Variants in IGSF9 observed in about 807,000 individuals in gnomAD.
IGSF9 encodes the protein immunoglobulin superfamily member 9, also known as protein turtle homolog A.
In IGSF9, 87 loss-of-function variants were observed where a neutral mutation model predicts 121.7. The ratio of observed to expected loss-of-function variants is 0.71; its 90% CI spans 0.60 to 0.85. The LOEUF (loss-of-function observed/expected upper bound fraction) is 0.85. Among genes scored for constraint, IGSF9 ranks in the 40% least tolerant of loss-of-function variants. IGSF9 has a pLI of 0.00. For missense variants in IGSF9, 1,462 were observed against 1,565.3 expected (o/e 0.93, Z 1.11); for synonymous variants, 640 against 648.4 (o/e 0.99, Z 0.20).
In IGSF9 at chr1:159,932,537, G is replaced by A. The variant is rs1360641480; in HGVS notation, c.1220C>T (p.Ser407Phe). The A allele has an allele frequency of 6.2e-7, 1 of 1,614,048 alleles. No individual in the cohort carries two copies. The highest frequency in any genetic ancestry group is 8.5e-7 in the Non-Finnish European group (1 of 1,179,982). ...CTTGAGCAGCACGCGGGTCACAGGA[G>A]AGGGCCCGGCGGTACCAAGACTGTT... Reference protein sequence around the residue: ...PYNSLGTAGPSPVTRVLLKAP... With the variant: ...PYNSLGTAGPFPVTRVLLKAP... The change falls in exon 10 of 21, where the codon TCT becomes TTT. Residue 407 changes from serine (S) to phenylalanine (F), a missense_variant. This residue lies in a region of IGSF9 where 558 missense variants were observed against 599.4 expected (regional missense o/e 0.93). Coordinates refer to ENST00000368094, the MANE Select transcript of IGSF9 (RefSeq NM_001135050.2). The surrounding 1 kb of genome is among the most constrained non-coding windows in gnomAD (Gnocchi z 4.1).
In IGSF9 at chr1:159,931,552, T is replaced by A; in HGVS notation, c.1414A>T (p.Ile472Phe). The A allele has an allele frequency of 6.2e-7, 1 of 1,614,158 alleles. No individual in the cohort carries two copies. Among genetic ancestry groups the A allele is most frequent in the Non-Finnish European group, 8.5e-7 (1 of 1,180,010 alleles). Residue 472 changes from isoleucine to phenylalanine, a missense_variant, in exon 12 of 21, where the codon ATC becomes TTC. By Grantham distance (21) the Ile-to-Phe change is conservative. Transcript: ENST00000368094. This position sits in a 1 kb window ranked among gnomAD's most constrained non-coding sequence, Gnocchi z 4.8. ...GCCTCCTTGGTCAATGGTCGCAGGA[T>A]GAGGCTGCTGTTGCTGTCCACCTGG... ...QAQVDSNSSL[I>F]LRPLTKEAHG...
In IGSF9 at chr1:159,927,426, G is replaced by T; in HGVS notation, c.3459C>A (p.Arg1153=). The change falls in exon 21 of 21, where the codon CGC becomes CGA. Residue 1153 remains arginine, a synonymous_variant. Coordinates refer to ENST00000368094, the MANE Select transcript of IGSF9 (RefSeq NM_001135050.2). The part of the protein sequence containing the change: ...AALREEFLAF[R]RRRDATRARL... The stretch of plus-strand genomic sequence containing the variant: ...GAGCCCTAGTAGCATCTCGGCGGCG[G>T]CGGAAGGCCAGGAATTCCTCCCGAA... 6.2e-7 allele frequency: 1 copy of T among 1,614,146 alleles called. No homozygotes were observed.
chr1:159,937,585 G>C (rs1473761885), intron 4 of IGSF9, 101 bp downstream of exon 4: 6 of 1,358,614 alleles, frequency 4.4e-6, no homozygotes, highest in Non-Finnish European at 6.2e-6. Flanking sequence ...GCTGTTTGTG[G>C]GATGGAAATA....
At position 159,927,524 on chromosome 1, in the gene IGSF9, C is replaced by T. The variant is rs771394115; in HGVS notation, c.3361G>A (p.Val1121Met). 6.2e-7 allele frequency: 1 copy of T among 1,611,116 alleles called. No homozygotes were observed. The highest frequency in any genetic ancestry group is 1.1e-5 in the South Asian group (1 of 90,986). Reference protein sequence around the residue: ...LRPEAEPELGVKTPEEGCLLN... With the variant: ...LRPEAEPELGMKTPEEGCLLN... ...AGGCAGCCCTCCTCTGGAGTCTTCA[C>T]ACCTGCAAGAGGCGGGCAGGACAAT... Residue 1121 changes from valine (V) to methionine (M), a missense_variant and splice_region_variant, in exon 21 of 21, where the codon GTG becomes ATG. Val to Met is a conservative substitution (Grantham distance 21). Coordinates refer to ENST00000368094, the MANE Select transcript of IGSF9 (RefSeq NM_001135050.2).
Position 159,937,819 on chromosome 1 carries a change from C to T in IGSF9, c.267G>A (p.Lys89=). 1 of 1,613,992 alleles carries T rather than the reference C, an allele frequency of 6.2e-7. No individual in the cohort carries two copies. The highest frequency in any genetic ancestry group is 8.5e-7 in the Non-Finnish European group (1 of 1,179,906). ...PDYVGRVRLQ[K]GASLQIEGLR... is the part of the protein sequence containing the mutation. ...GACCCTCAATCTGGAGAGAGGCCCCCTTCTGCAGCCGGACTCGTCCTGGGG... is the reference window on the plus strand; with the variant it reads ...GACCCTCAATCTGGAGAGAGGCCCCTTTCTGCAGCCGGACTCGTCCTGGGG... Residue 89 remains lysine, a synonymous_variant, in exon 4 of 21, where the codon AAG becomes AAA. Transcript: ENST00000368094.
intron 6 of IGSF9, 123 bp downstream of exon 6, chr1:159,936,276 C>A: frequency 1.2e-6 from 1 of 840,320 alleles, no homozygotes. Flanking sequence ...ACCCCCTTAG[C>A]TTCCACGGGC....
intron 18 of IGSF9, 166 bp downstream of exon 18, chr1:159,929,185 G>T: frequency 7.7e-7 from 1 of 1,294,012 alleles, no homozygotes; most frequent in Non-Finnish European, 1.1e-6. Context: ...GGCCATACTG[G>T]AACGGCCTCA....
Position 159,937,670 on chromosome 1 carries a change from C to T in IGSF9, c.400+16G>A. On this transcript the variant is annotated intron_variant, in intron 4 of 20. Transcript: ENST00000368094. ...CCTCCCCGTCCTTCTCCACCACCTG[C>T]CCCCCAGCTTCATACAATTGACTGT... 1 of 1,605,210 alleles carries T rather than the reference C, an allele frequency of 6.2e-7. No homozygotes were observed. The highest frequency in any genetic ancestry group is 1.1e-5 in the South Asian group (1 of 90,932).
In IGSF9 at chr1:159,945,084, C is replaced by T. The variant is rs151110366; in HGVS notation, c.-175+489G>A. Among the ~76,000 whole-genome samples the T allele has an allele frequency of 1.8e-4, 27 of 152,108 alleles. No homozygotes were observed. In the East Asian group the frequency reaches 5.0e-3, roughly 28 times the overall value. ...CACTCCCTCGTCCTCCCATTACTCC[C>T]TTCCCAGTTATCGCTACTACGCACA... On this transcript the variant is annotated intron_variant, in intron 1 of 20. Coordinates refer to ENST00000368094, the MANE Select transcript of IGSF9 (RefSeq NM_001135050.2).
chr1:159,934,470 C>G lies in IGSF9; in HGVS notation c.916G>C (p.Gly306Arg). ...AGCYTCVPSN[G>R]LLHPPSASAY... ...GAGGCTGAGGGTGGATGCAGGAGGC[C>G]ATTGCTGGGCACACAGGTGTAGCAG... The change falls in exon 8 of 21, where the codon GGC (glycine) becomes CGC (arginine). Residue 306 changes from glycine to arginine, a missense_variant. Coordinates refer to ENST00000368094, the MANE Select transcript of IGSF9 (RefSeq NM_001135050.2). 1 of 1,605,546 alleles carries G rather than the reference C, an allele frequency of 6.2e-7. No homozygotes were observed. Among genetic ancestry groups the G allele is most frequent in the South Asian group, 1.1e-5 (1 of 89,790 alleles).
In IGSF9 at chr1:159,930,362, C is replaced by T. The variant is rs1166584212; in HGVS notation, c.1891G>A (p.Val631Met). The T allele has an allele frequency of 1.2e-6, 2 of 1,601,510 alleles. No individual in the cohort carries two copies. Among genetic ancestry groups the T allele is most frequent in the Non-Finnish European group, 1.7e-6 (2 of 1,172,610 alleles). The change falls in exon 15 of 21, where the codon GTG (valine) becomes ATG (methionine). Residue 631 changes from valine (V) to methionine (M), a missense_variant. By Grantham distance (21) the Val-to-Met change is conservative. This residue lies in a region of IGSF9 where 808 missense variants were observed against 815.2 expected (regional missense o/e 0.99). Coordinates refer to ENST00000368094, the MANE Select transcript of IGSF9 (RefSeq NM_001135050.2). ...ACCCCCCGGGGTGTCCTCACTGCCA[C>T]CAGACCCCGCGGAGGGGACAGGGGA... ...PPPLSPPRGL[V>M]AVRTPRGVLL...
At chr1:159,928,049 C>A (rs1273172001) in intron 19 of IGSF9, 109 bp downstream of exon 19, 23 of 1,495,036 alleles carry the variant, frequency 1.5e-5, no homozygotes, top group Non-Finnish European at 2.0e-5. Context: ...CAAGTTTTCC[C>A]GTTCCCAGGG....
In IGSF9 at chr1:159,932,918, G is replaced by A. The variant is rs1651047144; in HGVS notation, c.1105-266C>T. ...TACACTGTGAATGGCCACCCCTGTA[G>A]TTGGGCCGCGTGGGGCTTCCTGCCT... On this transcript the variant is annotated intron_variant, in intron 9 of 20. Transcript: ENST00000368094. The surrounding 1 kb of genome is among the most constrained non-coding windows in gnomAD (Gnocchi z 4.1). 2.8e-6 allele frequency: 1 copy of A among 360,608 alleles called. No individual in the cohort carries two copies. The highest frequency in any genetic ancestry group is 5.0e-6 in the Non-Finnish European group (1 of 199,800). The allele number at this position is 360,608 out of a possible 1,614,324, so 22.3% of individuals were successfully genotyped here.
intron 9 of IGSF9, 185 bp downstream of exon 9, chr1:159,934,005 T>C (rs1034571228): frequency 1.4e-5 from 9 of 664,430 alleles, no homozygotes; most frequent in East Asian, 2.8e-5. Context: ...CTTTAAACCA[T>C]GGAAATTTTT....
Position 159,927,242 on chromosome 1 carries a change from A to C in IGSF9, c.*103T>G. 1 of 1,397,344 alleles carries C rather than the reference A, an allele frequency of 7.2e-7. No individual in the cohort carries two copies. The highest frequency in any genetic ancestry group is 1.0e-6 in the Non-Finnish European group (1 of 991,078). The allele number at this position is 1,397,344 out of a possible 1,614,324, so 86.6% of individuals were successfully genotyped here. A position where few individuals can be genotyped will look rare whatever the true frequency, so the allele number is the denominator to read the frequency against. On this transcript the variant is annotated 3_prime_UTR_variant, in exon 21 of 21. Transcript: ENST00000368094. ...ATCAGGGTCTGTGCCTGGGCACCAA[A>C]GGGGCAGGCAGGGGCAGTGCCCTCG...
At position 159,944,469 on chromosome 1, in the gene IGSF9, A is replaced by T. The variant is rs144656252; in HGVS notation, c.-174-841T>A. Among the ~76,000 whole-genome samples, 206 of 151,840 alleles carry T rather than the reference A, an allele frequency of 1.4e-3. 1 individual carries two copies. Among genetic ancestry groups the T allele is most frequent in the Non-Finnish European group, 1.7e-3 (114 of 67,884 alleles). On this transcript the variant is annotated intron_variant, in intron 1 of 20. Coordinates refer to ENST00000368094, the MANE Select transcript of IGSF9 (RefSeq NM_001135050.2). ...AGCCCTCCCCCTGCCAGGCACCACC[A>T]CCCAAGGACCTCACCCAAATCCCTC...
At position 159,927,208 on chromosome 1, in the gene IGSF9, A is replaced by C; in HGVS notation, c.*137T>G. 1 of 1,051,272 alleles carries C rather than the reference A, an allele frequency of 9.5e-7. No individual in the cohort carries two copies. The highest frequency in any genetic ancestry group is 1.4e-5 in the South Asian group (1 of 71,170). 65.1% of individuals were successfully genotyped at this position (1,051,272 alleles called of 1,614,324 possible). ...CATACATTCCATACCAAGGTGACCC[A>C]AACCCACTATCAGGGTCTGTGCCTG... On this transcript the variant is annotated 3_prime_UTR_variant, in exon 21 of 21. Transcript: ENST00000368094.
intron 6 of IGSF9, among the ~76,000 whole-genome samples, chr1:159,936,176 A>G (rs1426426007): frequency 2.0e-5 from 3 of 152,176 alleles, no homozygotes; most frequent in African/African-American, 7.2e-5. Context: ...TTCCACTATA[A>G]CACACTACTG....
intron 3 of IGSF9, among the ~76,000 whole-genome samples, chr1:159,939,870 A>G (rs966463364): frequency 2.0e-5 from 3 of 152,136 alleles, no homozygotes; most frequent in Admixed American, 6.5e-5. Flanking sequence ...GCGGGTAAAT[A>G]TTTAACATCA....
Sources: gnomAD v4.1 joint callset for allele counts (sites outside exome capture counted in the v4.1 genomes callset) on GRCh38, gnomAD v4.1.1 for gene constraint, gnomAD v4.1.1 regional missense constraint, Gnocchi (gnomAD v3.1) non-coding constraint, MANE v1.5 for transcripts, NCBI Gene and HGNC (gene_info 2026-07-23, HGNC 2026-07-21) for gene names.